Variants in HS6ST3 observed in about 807,000 individuals in gnomAD.
The protein encoded by HS6ST3 is heparan-sulfate 6-O-sulfotransferase 3.
In HS6ST3, 12 loss-of-function variants were observed where a neutral mutation model predicts 36.7. The observed-to-expected ratio is 0.33, with a 90% CI of 0.21 to 0.53. HS6ST3 has a LOEUF of 0.53. Among genes scored for constraint, HS6ST3 ranks in the 20% least tolerant of loss-of-function variants. HS6ST3 has a pLI of 0.95. For missense variants in HS6ST3, 584 were observed against 640.9 expected, an observed-to-expected ratio of 0.91 and a Z score of 0.96; for synonymous variants, 240 against 257.5, an observed-to-expected ratio of 0.93 and a Z score of 0.65.
intron 1 of HS6ST3, among the ~76,000 whole-genome samples, chr13:96,544,017 G>A (rs940680160): frequency 4.6e-5 from 7 of 151,422 alleles, no homozygotes; most frequent in Middle Eastern, 3.2e-3. Context: ...GGGAGATCAG[G>A]CATAACTTGA....
chr13:96,352,624 A>G (rs2055189258), intron 1 of HS6ST3, among the ~76,000 whole-genome samples: 1 of 152,198 alleles, frequency 6.6e-6, no homozygotes, highest in Non-Finnish European at 1.5e-5. Flanking sequence ...AGACTGCCCA[A>G]GGACATGACT....
In HS6ST3 at chr13:96,090,997, GGCCGGCCCGCCC is replaced by G; in HGVS notation, c.140_151del (p.Gly47_Ala50del). 7.6e-7 allele frequency: 1 copy of G among 1,313,762 alleles called. No homozygotes were observed. The highest frequency in any genetic ancestry group is 2.7e-5 in the South Asian group (1 of 37,584). The allele number at this position is 1,313,762 out of a possible 1,614,324, so 81.4% of individuals were successfully genotyped here. ...TCGGGGAGCAGCCCCGCGCGGGGGA[GGCCGGCCCGCCC>G]GCCGTCCCGGGTCCCGCCCGCCGGG... On this transcript the variant is annotated inframe_deletion, in exon 1 of 2. Transcript: ENST00000376705.
chr13:96,338,564 T>C lies in HS6ST3; in HGVS notation c.707+246995T>C, dbSNP rs78216613. 2.5e-4 allele frequency among the ~76,000 whole-genome samples: 38 copies of C among 152,308 alleles called. No individual in the cohort carries two copies. In the East Asian group the frequency reaches 7.1e-3, roughly 29 times the overall value. On this transcript the variant is annotated intron_variant, in intron 1 of 1. Transcript: ENST00000376705. ...CCTCAGTGCTTCTTTCAACAGACATTACCAATATCTGTCAGTTGTTCGTAT... is the reference window on the plus strand; with the variant it reads ...CCTCAGTGCTTCTTTCAACAGACATCACCAATATCTGTCAGTTGTTCGTAT...
intron 1 of HS6ST3, among the ~76,000 whole-genome samples, chr13:96,800,219 G>A (rs917666909): frequency 4.7e-5 from 7 of 150,518 alleles, no homozygotes; most frequent in Middle Eastern, 3.5e-3. Context: ...TGCAGAGAAA[G>A]CAAAATGCTT....
intron 1 of HS6ST3, among the ~76,000 whole-genome samples, chr13:96,630,564 TTCTA>T (rs1385268825): frequency 6.6e-6 from 1 of 152,104 alleles, no homozygotes; most frequent in Non-Finnish European, 1.5e-5. Flanking sequence ...GGTCTCAGCT[TTCTA>T]TAGGGTTCTA....
At chr13:96,476,704 C>T (rs953631970) in intron 1 of HS6ST3, among the ~76,000 whole-genome samples, 4 of 152,072 alleles carry the variant, frequency 2.6e-5, no homozygotes, top group African/African-American at 7.2e-5. Flanking sequence ...TTGTGAACGT[C>T]GCTTGTGTTG....
In HS6ST3 at chr13:96,114,151, C is replaced by CT. The variant is rs368883179; in HGVS notation, c.707+22592dup. ...TATTTTCTTTATTAATATAATAATT[C>CT]TTTTTTTTTTCTTTTCTAGTGACAG... On this transcript the variant is annotated intron_variant, in intron 1 of 1. Coordinates refer to ENST00000376705, the MANE Select transcript of HS6ST3 (RefSeq NM_153456.4). Among the ~76,000 whole-genome samples, 335 of 148,658 alleles carry CT rather than the reference C, an allele frequency of 2.3e-3. 2 individuals carry two copies. The highest frequency in any genetic ancestry group is 0.015 in the East Asian group (75 of 5,066).
intron 1 of HS6ST3, among the ~76,000 whole-genome samples, chr13:96,789,654 T>C (rs763335492): frequency 3.3e-5 from 5 of 151,862 alleles, no homozygotes; most frequent in Non-Finnish European, 7.4e-5. Flanking sequence ...ATTTCACCTT[T>C]ATTCCTGATG....
intron 1 of HS6ST3, among the ~76,000 whole-genome samples, chr13:96,610,598 A>G (rs1184904160): frequency 6.6e-6 from 1 of 152,206 alleles, no homozygotes; most frequent in Non-Finnish European, 1.5e-5. Context: ...GAAAGAAGGA[A>G]TAGCACCAAT....
At chr13:96,293,985 TC>T (rs1391478716) in intron 1 of HS6ST3, among the ~76,000 whole-genome samples, 1 of 152,112 alleles carries the variant, frequency 6.6e-6, no homozygotes, top group African/African-American at 2.4e-5. Flanking sequence ...TAATTTAAGA[TC>T]TATAGATCCA....
At chr13:96,391,079 C>T (rs1345413607) in intron 1 of HS6ST3, among the ~76,000 whole-genome samples, 1 of 152,194 alleles carries the variant, frequency 6.6e-6, no homozygotes, top group Admixed American at 6.5e-5. Context: ...CTCACGTGAT[C>T]TTTTGGACTT....
intron 1 of HS6ST3, among the ~76,000 whole-genome samples, chr13:96,481,790 G>A (rs1566373420): frequency 6.6e-6 from 1 of 152,190 alleles, no homozygotes; most frequent in African/African-American, 2.4e-5. Context: ...TGTGAGGTGG[G>A]ATAACATTAT....
chr13:96,671,816 TAG>T (rs2056683665), intron 1 of HS6ST3, among the ~76,000 whole-genome samples: 1 of 152,110 alleles, frequency 6.6e-6, no homozygotes, highest in Non-Finnish European at 1.5e-5. Flanking sequence ...CATTCTGAGG[TAG>T]GATGGGTTAA....
chr13:96,285,043 T>G (rs2054795195), intron 1 of HS6ST3, among the ~76,000 whole-genome samples: 1 of 151,924 alleles, frequency 6.6e-6, no homozygotes, highest in Non-Finnish European at 1.5e-5. Context: ...TCTTAGGGCT[T>G]TAAGATTGAA....
chr13:96,096,944 A>G (rs1191046763), intron 1 of HS6ST3, among the ~76,000 whole-genome samples: 1 of 152,212 alleles, frequency 6.6e-6, no homozygotes, highest in African/African-American at 2.4e-5. Flanking sequence ...TGTAAAACTA[A>G]AGAGCAGTGT....
Position 96,368,629 on chromosome 13 carries a change from G to C in HS6ST3, c.707+277060G>C, listed in dbSNP as rs142286765. Reference sequence around the variant, plus strand: ...AAAACTGAGTAAAAATTCAATTTTTGTCAGTTATATATTTTCTCTCCTTAG... The same window carrying C: ...AAAACTGAGTAAAAATTCAATTTTTCTCAGTTATATATTTTCTCTCCTTAG... On this transcript the variant is annotated intron_variant, in intron 1 of 1. Coordinates refer to ENST00000376705, the MANE Select transcript of HS6ST3 (RefSeq NM_153456.4). 9.2e-4 allele frequency among the ~76,000 whole-genome samples: 139 copies of C among 151,700 alleles called. 3 individuals carry two copies. Among genetic ancestry groups the C allele is most frequent in the African/African-American group, 3.2e-3 (133 of 41,336 alleles).
At chr13:96,792,649 C>T (rs754863204) in intron 1 of HS6ST3, among the ~76,000 whole-genome samples, 10 of 151,872 alleles carry the variant, frequency 6.6e-5, no homozygotes, top group Non-Finnish European at 1.2e-4. Flanking sequence ...GGCCTCTGGT[C>T]CATGTTCACT....
At chr13:96,270,594 A>C (rs1159404549) in intron 1 of HS6ST3, among the ~76,000 whole-genome samples, 1 of 141,498 alleles carries the variant, frequency 7.1e-6, no homozygotes, top group African/African-American at 2.7e-5. Flanking sequence ...TCAGTCACTC[A>C]TTTAGAAGTA....
At position 96,705,185 on chromosome 13, in the gene HS6ST3, T is replaced by G. The variant is rs377510407; in HGVS notation, c.708-127305T>G. The stretch of plus-strand genomic sequence containing the variant: ...CTCCCTCTTGGTGTTGTACATTCTA[T>G]GGGTTTGGACAAATGTATAATGATT... On this transcript the variant is annotated intron_variant, in intron 1 of 1. Transcript: ENST00000376705. Among the ~76,000 whole-genome samples, 27 of 152,280 alleles carry G rather than the reference T, an allele frequency of 1.8e-4. No individual in the cohort carries two copies. In the East Asian group the frequency reaches 2.5e-3, roughly 14 times the overall value.
Sources: allele counts gnomAD v4.1 joint callset (sites outside exome capture counted in the v4.1 genomes callset), GRCh38; gene constraint gnomAD v4.1.1; transcripts MANE v1.5; gene names NCBI Gene and HGNC (gene_info 2026-07-23, HGNC 2026-07-21).